COL24A1: variants seen among roughly 807,000 people sequenced by gnomAD.
COL24A1 encodes collagen alpha-1(XXIV) chain.
Under a neutral mutation model 253.9 loss-of-function variants are expected in COL24A1, and 224 were observed. The ratio of observed to expected loss-of-function variants is 0.88; its 90% CI spans 0.79 to 0.99. The LOEUF is 0.99. Ranked by LOEUF, COL24A1 falls within the 50% of genes least tolerant of loss-of-function variation. The probability of loss-of-function intolerance (pLI) is 0.00; values close to 1 mark genes in which losing one functional copy is unlikely to be tolerated. For missense variants in COL24A1, 2,131 were observed against 2,068.5 expected (o/e 1.03, Z -0.59); for synonymous variants, 685 against 673.7 (o/e 1.02, Z -0.26).
intron 4 of COL24A1, 115 bp downstream of exon 4, chr1:86,115,210 G>C: frequency 1.0e-6 from 1 of 985,804 alleles, no homozygotes; most frequent in East Asian, 2.7e-5. Flanking sequence ...GTAGGACTAA[G>C]TTTGAAGATC....
At chr1:85,748,591 C>T (rs1037332922) in intron 55 of COL24A1, among the ~76,000 whole-genome samples, 12 of 150,758 alleles carry the variant, frequency 8.0e-5, no homozygotes, top group Admixed American at 2.6e-4. Flanking sequence ...ACGCAGAAGA[C>T]GGGTGATTTC....
intron 12 of COL24A1, among the ~76,000 whole-genome samples, chr1:86,035,370 G>A (rs1698912327): frequency 6.6e-6 from 1 of 152,124 alleles, no homozygotes; most frequent in Non-Finnish European, 1.5e-5. Context: ...GGAAAAAGTA[G>A]AGGAAATATA....
chr1:86,015,408 T>C (rs1696897741), intron 19 of COL24A1, among the ~76,000 whole-genome samples: 1 of 152,080 alleles, frequency 6.6e-6, no homozygotes, highest in South Asian at 2.1e-4. Flanking sequence ...TTATGAAATT[T>C]TAAAGGGAAG....
intron 51 of COL24A1, among the ~76,000 whole-genome samples, chr1:85,782,985 C>T (rs1383999084): frequency 2.0e-5 from 3 of 152,214 alleles, no homozygotes; most frequent in Non-Finnish European, 1.5e-5. Flanking sequence ...ATTACAAGCA[C>T]TCATTGCTAA....
chr1:85,734,230 AT>A (rs1048904941), intron 59 of COL24A1, among the ~76,000 whole-genome samples: 4 of 152,130 alleles, frequency 2.6e-5, no homozygotes, highest in Admixed American at 2.6e-4. Context: ...TGGAAAAAAA[AT>A]AGGCCAGAAT....
chr1:85,953,008 C>T (rs1690077849), intron 24 of COL24A1, among the ~76,000 whole-genome samples: 2 of 152,104 alleles, frequency 1.3e-5, no homozygotes, highest in Admixed American at 1.3e-4. Flanking sequence ...CAAAGCAATG[C>T]CTTTACCTTT....
chr1:85,925,606 A>G (rs1330764626), intron 24 of COL24A1, among the ~76,000 whole-genome samples: 2 of 152,208 alleles, frequency 1.3e-5, no homozygotes, highest in African/African-American at 4.8e-5. Flanking sequence ...GTGCTGGGAA[A>G]ACTGGCTAGC....
chr1:85,908,118 T>G (rs955817626), intron 27 of COL24A1, among the ~76,000 whole-genome samples: 2 of 151,710 alleles, frequency 1.3e-5, no homozygotes, highest in Non-Finnish European at 1.5e-5. Flanking sequence ...CAGATTCTGA[T>G]AAGCAAAATT....
intron 19 of COL24A1, among the ~76,000 whole-genome samples, chr1:85,991,653 C>A (rs1162806139): frequency 6.6e-6 from 1 of 152,084 alleles, no homozygotes; most frequent in Non-Finnish European, 1.5e-5. Context: ...GGTAAACATG[C>A]AACACTGAAT....
At chr1:85,745,683 G>A (rs1004950653) in intron 55 of COL24A1, among the ~76,000 whole-genome samples, 177 bp from the exon 56 acceptor site, 1 of 152,084 alleles carries the variant, frequency 6.6e-6, no homozygotes, top group Non-Finnish European at 1.5e-5. Flanking sequence ...TATCTGAAAG[G>A]ACAATATGCC....
chr1:86,139,179 A>AGT (rs1553148965), intron 2 of COL24A1, among the ~76,000 whole-genome samples: 2 of 146,240 alleles, frequency 1.4e-5, no homozygotes, highest in East Asian at 4.1e-4. Context: ...AGAAGGAGAA[A>AGT]GGGGGGGGAG....
At chr1:85,777,462 A>C (rs1668666952) in intron 52 of COL24A1, among the ~76,000 whole-genome samples, 1 of 152,190 alleles carries the variant, frequency 6.6e-6, no homozygotes, top group Admixed American at 6.5e-5. Flanking sequence ...ACAATACATC[A>C]TGAAATAACT....
At chr1:86,122,680 T>C (rs1426767746) in intron 3 of COL24A1, among the ~76,000 whole-genome samples, 1 of 152,002 alleles carries the variant, frequency 6.6e-6, no homozygotes, top group African/African-American at 2.4e-5. Flanking sequence ...TTTTGCTTGG[T>C]CCCTAGGTCC....
chr1:86,072,145 C>T (rs990904733), intron 7 of COL24A1, among the ~76,000 whole-genome samples: 22 of 152,240 alleles, frequency 1.4e-4, no homozygotes, highest in Non-Finnish European at 2.6e-4. Context: ...GCACCTGGAA[C>T]GCCAGTGAGA....
intron 19 of COL24A1, among the ~76,000 whole-genome samples, chr1:85,999,827 C>T (rs1305623893): frequency 6.6e-6 from 1 of 152,084 alleles, no homozygotes; most frequent in Non-Finnish European, 1.5e-5. Context: ...GGTTGGTTCA[C>T]CTGGGAGATG....
chr1:85,822,667 C>A (rs1157876551), intron 45 of COL24A1, among the ~76,000 whole-genome samples: 4 of 152,162 alleles, frequency 2.6e-5, no homozygotes, highest in Admixed American at 1.3e-4. Flanking sequence ...GACAATGATT[C>A]TTTGCTTGGT....
intron 37 of COL24A1, among the ~76,000 whole-genome samples, chr1:85,851,001 G>GTGTATATA (rs1553198847): frequency 7.9e-5 from 11 of 139,184 alleles, no homozygotes; most frequent in Middle Eastern, 3.8e-3. Context: ...GTGTGTGTGT[G>GTGTATATA]TATATATATA....
intron 24 of COL24A1, among the ~76,000 whole-genome samples, chr1:85,951,413 G>A (rs1463759038): frequency 6.6e-6 from 1 of 152,140 alleles, no homozygotes; most frequent in Non-Finnish European, 1.5e-5. Flanking sequence ...GAAAGTTGAT[G>A]CTTGGTGGAC....
At position 85,847,667 on chromosome 1, in the gene COL24A1, C is replaced by T. The variant is rs1277217231; in HGVS notation, c.3460G>A (p.Val1154Met). 1.9e-6 allele frequency: 3 copies of T among 1,611,872 alleles called. No homozygotes were observed. Among genetic ancestry groups the T allele is most frequent in the Non-Finnish European group, 2.5e-6 (3 of 1,178,360 alleles). ...PKGARGTRGA[V>M]GHLGLMGPDG... The stretch of plus-strand genomic sequence containing the variant: ...CTGGAAGCAAGTCAAATACTGACCA[C>T]AGCACCTCTAGTTCCTCTGGCACCC... The change falls in exon 39 of 60, where the codon GTG (valine) becomes ATG (methionine). Residue 1154 changes from valine (V) to methionine (M), a missense_variant and splice_region_variant. Physicochemically the swap from Val to Met is conservative, Grantham distance 21 (BLOSUM62 1). Transcript: ENST00000370571.
Sources: gnomAD v4.1 joint callset for allele counts (sites outside exome capture counted in the v4.1 genomes callset) on GRCh38, gnomAD v4.1.1 for gene constraint, MANE v1.5 for transcripts, NCBI Gene and HGNC (gene_info 2026-07-23, HGNC 2026-07-21) for gene names.